The following ERBB4 variants were observed in gnomAD, a reference collection of about 807,000 sequenced individuals.
ERBB4 encodes the protein receptor tyrosine-protein kinase erbB-4.
Under a neutral mutation model 158.0 loss-of-function variants are expected in ERBB4, and 42 were observed. The observed-to-expected ratio is 0.27, with a 90% CI of 0.21 to 0.34. ERBB4 has a LOEUF of 0.34. Ranked by LOEUF, ERBB4 falls within the 10% of genes least tolerant of loss-of-function variation. The pLI is 1.00. For synonymous variants in ERBB4, 583 were observed against 558.7 expected, an observed-to-expected ratio of 1.04 and a Z score of -0.61; for missense variants, 1,333 against 1,624.1, an observed-to-expected ratio of 0.82 and a Z score of 3.08.
At chr2:211,686,427 C>T (rs1049497606) in intron 12 of ERBB4, among the ~76,000 whole-genome samples, 4 of 152,074 alleles carry the variant, frequency 2.6e-5, no homozygotes, top group Admixed American at 6.5e-5. Context: ...TTGTGCCAAT[C>T]GTATATCCCT....
At position 211,430,979 on chromosome 2, in the gene ERBB4, C is replaced by T. The variant is rs745376683; in HGVS notation, c.2609G>A (p.Gly870Glu). The T allele has an allele frequency of 4.3e-6, 7 of 1,613,740 alleles. No individual in the cohort carries two copies. The African/African-American group carries it at 5.3e-5, about 12-fold the overall frequency. Residue 870 changes from glycine (G) to glutamate (E), a missense_variant, in exon 21 of 28, where the codon GGA becomes GAA. Around this residue, in one of 5 missense-constraint regions of ERBB4, gnomAD observed 314 missense variants for 437.6 expected, o/e 0.72. Transcript: ENST00000342788. Reference protein sequence around the residue: ...TDFGLARLLEGDEKEYNADGG... With the variant: ...TDFGLARLLEEDEKEYNADGG... ...ATCAGCATTGTACTCTTTTTCATCT[C>T]CTTCCAAGAGTCTGGCTAGCCCAAA...
In ERBB4 at chr2:211,673,383, A is replaced by G. The variant is rs369562070; in HGVS notation, c.1623-126T>C. On this transcript the variant is annotated intron_variant, in intron 13 of 27. Transcript: ENST00000342788. ...AAAGTTTGTTTCTCTATGTGCCAGGAGCATCAGAAACATTAAGTTTTCCAT... is the reference window on the plus strand; with the variant it reads ...AAAGTTTGTTTCTCTATGTGCCAGGGGCATCAGAAACATTAAGTTTTCCAT... The G allele has an allele frequency of 5.5e-6, 4 of 724,834 alleles. No individual in the cohort carries two copies. The African/African-American group carries it at 6.9e-5, about 13-fold the overall frequency. 44.9% of individuals were successfully genotyped at this position (724,834 alleles called of 1,614,324 possible).
At chr2:211,796,554 A>G (rs1472015136) in intron 3 of ERBB4, among the ~76,000 whole-genome samples, 2 of 151,994 alleles carry the variant, frequency 1.3e-5, no homozygotes, top group South Asian at 2.1e-4. Flanking sequence ...GCCCATTAGT[A>G]GTATATGAGA....
At chr2:211,895,166 A>G (rs561546613) in intron 3 of ERBB4, among the ~76,000 whole-genome samples, 1 of 152,178 alleles carries the variant, frequency 6.6e-6, no homozygotes, top group Admixed American at 6.5e-5. Context: ...ATGAATGTGA[A>G]CTGGAAATGA....
At chr2:211,920,771 C>A (rs2079838279) in intron 3 of ERBB4, among the ~76,000 whole-genome samples, 1 of 149,266 alleles carries the variant, frequency 6.7e-6, no homozygotes, top group Non-Finnish European at 1.5e-5. Context: ...AGTCTATGAG[C>A]TTTTATATGC....
intron 1 of ERBB4, among the ~76,000 whole-genome samples, chr2:212,274,132 A>T (rs1339678452): frequency 3.9e-5 from 6 of 151,914 alleles, no homozygotes; most frequent in Admixed American, 3.9e-4. Context: ...ACAGTACTGT[A>T]CTGTATCAAT....
At chr2:211,480,578 G>A (rs746974175) in intron 20 of ERBB4, among the ~76,000 whole-genome samples, 8 of 152,090 alleles carry the variant, frequency 5.3e-5, no homozygotes, top group Non-Finnish European at 1.2e-4. Context: ...GGAAATGTGA[G>A]TCAATTGAAC....
intron 19 of ERBB4, among the ~76,000 whole-genome samples, chr2:211,587,158 C>A (rs189560386): frequency 3.3e-5 from 5 of 151,198 alleles, no homozygotes; most frequent in Non-Finnish European, 7.4e-5. Flanking sequence ...TCAAGACCAG[C>A]CTGGCCAAGA....
chr2:211,772,952 TA>T (rs1197509191), intron 4 of ERBB4, among the ~76,000 whole-genome samples: 1,182 of 72,200 alleles, frequency 0.016, 166 homozygotes, highest in African/African-American at 0.065. Context: ...TATATATATA[TA>T]TATTTTTTTT....
intron 5 of ERBB4, among the ~76,000 whole-genome samples, chr2:211,730,706 C>T (rs1402023518): frequency 6.6e-6 from 1 of 152,026 alleles, no homozygotes; most frequent in Non-Finnish European, 1.5e-5. Flanking sequence ...CTACATACCC[C>T]ATATTGAGTA....
intron 4 of ERBB4, among the ~76,000 whole-genome samples, chr2:211,786,239 C>A (rs895325722): frequency 2.6e-5 from 4 of 152,068 alleles, no homozygotes; most frequent in Non-Finnish European, 5.9e-5. Flanking sequence ...ATTTAAAACC[C>A]TGAGAGTGTC....
At chr2:212,000,277 C>A (rs760580166) in intron 2 of ERBB4, among the ~76,000 whole-genome samples, 1 of 151,732 alleles carries the variant, frequency 6.6e-6, no homozygotes, top group Non-Finnish European at 1.5e-5. Context: ...CCTGAATTTC[C>A]GTGGCCAGAT....
chr2:212,286,000 T>C (rs1444408572), intron 1 of ERBB4, among the ~76,000 whole-genome samples: 3 of 152,172 alleles, frequency 2.0e-5, no homozygotes, highest in African/African-American at 7.2e-5. Flanking sequence ...GTCCTTTACA[T>C]AGCATTAAGG....
At chr2:212,266,230 G>A (rs2085131713) in intron 1 of ERBB4, among the ~76,000 whole-genome samples, 2 of 151,478 alleles carry the variant, frequency 1.3e-5, no homozygotes. Flanking sequence ...TGTTATACTA[G>A]ATATTAAATA....
intron 1 of ERBB4, among the ~76,000 whole-genome samples, chr2:212,314,641 T>C (rs1242835066): frequency 1.3e-5 from 2 of 151,046 alleles, no homozygotes; most frequent in African/African-American, 4.8e-5. Context: ...ATATTTAGAA[T>C]TAAAAACTAA....
At chr2:212,461,351 C>T (rs1053813392) in intron 1 of ERBB4, among the ~76,000 whole-genome samples, 1 of 152,236 alleles carries the variant, frequency 6.6e-6, no homozygotes, top group Non-Finnish European at 1.5e-5. Flanking sequence ...GAACCCACCT[C>T]TTGCATCCCA....
intron 1 of ERBB4, among the ~76,000 whole-genome samples, chr2:212,493,277 C>G (rs551695058): frequency 4.6e-5 from 7 of 151,452 alleles, no homozygotes; most frequent in Middle Eastern, 6.9e-3. Flanking sequence ...TCCATAGTAA[C>G]TTCCACTAAT....
At chr2:211,433,213 T>C (rs1028552409) in intron 20 of ERBB4, among the ~76,000 whole-genome samples, 5 of 152,204 alleles carry the variant, frequency 3.3e-5, no homozygotes, top group African/African-American at 1.2e-4. Context: ...AAGGGTCCCT[T>C]ATATGTCATG....
intron 20 of ERBB4, among the ~76,000 whole-genome samples, chr2:211,462,185 A>G (rs1158574861): frequency 6.6e-6 from 1 of 151,982 alleles, no homozygotes; most frequent in East Asian, 1.9e-4. Flanking sequence ...GGCACTTTAC[A>G]TGGCCAGAGC....
Sources: allele counts gnomAD v4.1 joint callset (sites outside exome capture counted in the v4.1 genomes callset), GRCh38; gene constraint gnomAD v4.1.1; regional missense constraint gnomAD v4.1.1; transcripts MANE v1.5; gene names NCBI Gene and HGNC (gene_info 2026-07-23, HGNC 2026-07-21).